The following UNC93A variants were observed in gnomAD, a reference collection of about 807,000 sequenced individuals.
UNC93A encodes the protein N-acetylglucosamine transporter UNC93A.
In UNC93A, 43 loss-of-function variants were observed where a neutral mutation model predicts 47.5. The observed-to-expected ratio is 0.91, with a 90% CI of 0.71 to 1.17. UNC93A has a LOEUF of 1.17. Ranked by LOEUF, UNC93A falls within the 50% of genes most tolerant of loss-of-function variation. UNC93A has a pLI of 0.00. For synonymous variants in UNC93A, 280 were observed against 258.0 expected, an observed-to-expected ratio of 1.09 and a Z score of -0.82; for missense variants, 605 against 577.6, an observed-to-expected ratio of 1.05 and a Z score of -0.49.
chr6:167,279,437 C>T (rs1783596481), intron 1 of UNC93A, among the ~76,000 whole-genome samples: 1 of 152,224 alleles, frequency 6.6e-6, no homozygotes, highest in South Asian at 2.1e-4. Context: ...TAGTTCCCTC[C>T]TATCGTATGT....
chr6:167,274,009 G>C (rs991053733), intron 1 of UNC93A, among the ~76,000 whole-genome samples: 4 of 152,146 alleles, frequency 2.6e-5, no homozygotes, highest in African/African-American at 9.7e-5. Flanking sequence ...CCTGGAAAGG[G>C]AACAGGATTT....
intron 1 of UNC93A, among the ~76,000 whole-genome samples, chr6:167,281,986 A>C (rs1233573593): frequency 1.3e-5 from 2 of 152,188 alleles, no homozygotes; most frequent in Admixed American, 1.3e-4. Flanking sequence ...GTAGACTGAG[A>C]CTTTATGGTC....
Position 167,315,634 on chromosome 6 carries a change from C to T in UNC93A, c.*182C>T. On this transcript the variant is annotated 3_prime_UTR_variant, in exon 8 of 8. Coordinates refer to ENST00000230256, the MANE Select transcript of UNC93A (RefSeq NM_018974.4). ...TCTATTCTAACAAATTTTTCGTCCA[C>T]CATCTTAACAGAGATCAAGTGTATA... 1 of 733,596 alleles carries T rather than the reference C, an allele frequency of 1.4e-6. No homozygotes were observed. The allele number at this position is 733,596 out of a possible 1,614,324, so 45.4% of individuals were successfully genotyped here. A position where few individuals can be genotyped will look rare whatever the true frequency, so the allele number is the denominator to read the frequency against.
intron 1 of UNC93A, among the ~76,000 whole-genome samples, chr6:167,283,493 C>G (rs6935358): frequency 0.019 from 2,914 of 152,136 alleles, 103 homozygotes; most frequent in African/African-American, 0.067. Flanking sequence ...CAGTCCGTTG[C>G]GGGTCTTACA....
At chr6:167,295,276 A>T (rs1020311849) in intron 2 of UNC93A, among the ~76,000 whole-genome samples, 2 of 152,172 alleles carry the variant, frequency 1.3e-5, no homozygotes, top group Non-Finnish European at 2.9e-5. Flanking sequence ...GCTGCTGATG[A>T]TGGCTGCAAG....
rs1202688879 is a variant in UNC93A, at chr6:167,282,207, GAAACATTTTCA to G, written c.-51-9230_-51-9220del. Among the ~76,000 whole-genome samples the G allele has an allele frequency of 6.1e-4, 93 of 152,268 alleles. 1 individual carries two copies. Among genetic ancestry groups the G allele is most frequent in the African/African-American group, 2.2e-3 (92 of 41,546 alleles). On this transcript the variant is annotated intron_variant, in intron 1 of 3. Coordinates refer to the UNC93A transcript ENST00000503433. Reference sequence around the variant, plus strand: ...ATGCCTCAGTCCATCAGCTGACCAGGAAACATTTTCAATGTGTCTGTATCATTCCAGGGGGT... The same window carrying G: ...ATGCCTCAGTCCATCAGCTGACCAGGATGTGTCTGTATCATTCCAGGGGGT...
chr6:167,299,675 G>A (rs535281794), intron 4 of UNC93A, among the ~76,000 whole-genome samples: 97 of 152,226 alleles, frequency 6.4e-4, no homozygotes, highest in Non-Finnish European at 1.1e-3. Context: ...GGAGCACGGA[G>A]TTTCAGGAAA....
rs138123442 is a variant in UNC93A, at chr6:167,295,793, G to T, written c.270-239G>T. ...TTTGCAATCGCATCCGATACAAGGA[G>T]CCTCACTGGCTTCAATTTCACTTTT... On this transcript the variant is annotated intron_variant, in intron 2 of 7. Coordinates refer to ENST00000230256, the MANE Select transcript of UNC93A (RefSeq NM_018974.4). 1.9e-4 allele frequency among the ~76,000 whole-genome samples: 29 copies of T among 152,296 alleles called. No individual in the cohort carries two copies. In the East Asian group the frequency reaches 4.8e-3, roughly 25 times the overall value.
At chr6:167,285,546 G>C (rs552498032) in intron 1 of UNC93A, among the ~76,000 whole-genome samples, 1 of 151,828 alleles carries the variant, frequency 6.6e-6, no homozygotes, top group African/African-American at 2.4e-5. Flanking sequence ...GCGGGGATGA[G>C]AGTTGGCCTC....
intron 4 of UNC93A, among the ~76,000 whole-genome samples, 191 bp from the exon 5 acceptor site, chr6:167,303,728 A>G (rs1246296663): frequency 1.3e-5 from 2 of 152,110 alleles, no homozygotes; most frequent in African/African-American, 4.8e-5. Context: ...TGAGGTAATC[A>G]GAGAATCAGC....
chr6:167,270,192 A>C (rs1783428967), upstream of UNC93A, among the ~76,000 whole-genome samples: 1 of 151,936 alleles, frequency 6.6e-6, no homozygotes, highest in African/African-American at 2.4e-5. Context: ...TCTCAAAGTC[A>C]CCTAATCATT....
intron 4 of UNC93A, among the ~76,000 whole-genome samples, chr6:167,300,991 ATTGTCT>A (rs1207323195): frequency 3.3e-5 from 5 of 152,266 alleles, no homozygotes; most frequent in African/African-American, 9.6e-5. Context: ...ATTGTTCAAC[ATTGTCT>A]TTGTAATGGG....
At chr6:167,309,677 A>G (rs924065097) in intron 7 of UNC93A, among the ~76,000 whole-genome samples, 1 of 152,204 alleles carries the variant, frequency 6.6e-6, no homozygotes, top group Non-Finnish European at 1.5e-5. Context: ...GAGGATAAAG[A>G]GCACATGTGA....
Position 167,305,986 on chromosome 6 carries a change from G to T in UNC93A, c.912G>T (p.Ala304=). 1 of 1,614,196 alleles carries T rather than the reference G, an allele frequency of 6.2e-7. No individual in the cohort carries two copies. Among genetic ancestry groups the T allele is most frequent in the Non-Finnish European group, 8.5e-7 (1 of 1,180,044 alleles). ...TGATCTGCTTCTCGGCCACTGACGC[G>T]CTGTGCTCCGTGTTGTATGGAAAGG... is the stretch of plus-strand genomic sequence containing the variant. The part of the protein sequence containing the change: ...YVMICFSATD[A]LCSVLYGKVS... Residue 304 remains alanine (A), a synonymous_variant, in exon 6 of 8, where the codon GCG becomes GCT. Coordinates refer to ENST00000230256, the MANE Select transcript of UNC93A (RefSeq NM_018974.4).
chr6:167,301,600 G>C (rs1778242164), intron 4 of UNC93A, among the ~76,000 whole-genome samples: 1 of 152,140 alleles, frequency 6.6e-6, no homozygotes, highest in Non-Finnish European at 1.5e-5. Context: ...CCCACAGAAG[G>C]CTCTGAGTCA....
chr6:167,301,228 C>G (rs1489133927), intron 4 of UNC93A, among the ~76,000 whole-genome samples: 1 of 152,196 alleles, frequency 6.6e-6, no homozygotes, highest in Non-Finnish European at 1.5e-5. Context: ...GCAGGGTTAC[C>G]CCCAGTGTGC....
At chr6:167,302,925 G>T (rs1007859867) in intron 4 of UNC93A, among the ~76,000 whole-genome samples, 3 of 152,084 alleles carry the variant, frequency 2.0e-5, no homozygotes, top group Non-Finnish European at 4.4e-5. Flanking sequence ...ATCTCTTGCC[G>T]TCCTGCTCAC....
intron 2 of UNC93A, among the ~76,000 whole-genome samples, chr6:167,295,366 G>A (rs368140383): frequency 3.9e-5 from 6 of 152,260 alleles, no homozygotes; most frequent in Admixed American, 2.0e-4. Context: ...CTTTTTAACC[G>A]GGGCTGTCCC....
chr6:167,280,433 C>T (rs539825042), intron 1 of UNC93A, among the ~76,000 whole-genome samples: 43 of 152,306 alleles, frequency 2.8e-4, no homozygotes, highest in Non-Finnish European at 4.0e-4. Flanking sequence ...AGAACCCTGT[C>T]TTTCAAAGCC....
Sources: allele counts gnomAD v4.1 joint callset (sites outside exome capture counted in the v4.1 genomes callset), GRCh38; gene constraint gnomAD v4.1.1; transcripts MANE v1.5; gene names NCBI Gene and HGNC (gene_info 2026-07-23, HGNC 2026-07-21).